FAM20C: variants seen among roughly 807,000 people sequenced by gnomAD.
FAM20C encodes the protein FAM20C golgi associated secretory pathway kinase, also known as extracellular serine/threonine protein kinase FAM20C.
In FAM20C, 40 loss-of-function variants were observed where a neutral mutation model predicts 51.5. The ratio of observed to expected loss-of-function variants is 0.78; its 90% CI spans 0.60 to 1.01. The LOEUF (loss-of-function observed/expected upper bound fraction) is 1.01, where lower values mean the gene tolerates loss of function less well. Among genes scored for constraint, FAM20C ranks in the 50% least tolerant of loss-of-function variants. FAM20C has a pLI of 0.00. For missense variants in FAM20C, 861 were observed against 844.7 expected, an observed-to-expected ratio of 1.02 and a Z score of -0.24; for synonymous variants, 406 against 380.6, an observed-to-expected ratio of 1.07 and a Z score of -0.78.
intron 6 of FAM20C, chr7:256,368 G>C (rs1054043800): frequency 8.8e-6 from 5 of 570,976 alleles, no homozygotes; most frequent in Non-Finnish European, 1.6e-5. Context: ...CGTTGTCCTC[G>C]TGAGTGTGTA....
intron 3 of FAM20C, among the ~76,000 whole-genome samples, chr7:243,432 C>G (rs964850394): frequency 3.5e-5 from 1 of 28,204 alleles, no homozygotes; most frequent in African/African-American, 3.5e-4. Flanking sequence ...CCCAAGAGAC[C>G]TGTGCCACCC....
At chr7:214,965 G>A (rs1053117065) in intron 3 of FAM20C, among the ~76,000 whole-genome samples, 5 of 152,074 alleles carry the variant, frequency 3.3e-5, no homozygotes, top group Admixed American at 1.3e-4. Flanking sequence ...GAACACAGAT[G>A]TGACTCAGAC....
intron 2 of FAM20C, among the ~76,000 whole-genome samples, chr7:202,020 G>A (rs1050115310): frequency 1.3e-5 from 2 of 152,198 alleles, no homozygotes; most frequent in East Asian, 1.9e-4. Context: ...ACGGATATCC[G>A]GGCGATAGGA....
chr7:241,424 C>T (rs895863012), intron 3 of FAM20C, among the ~76,000 whole-genome samples: 1 of 152,176 alleles, frequency 6.6e-6, no homozygotes, highest in Non-Finnish European at 1.5e-5. Flanking sequence ...AATCAGACTC[C>T]GCCTTTTCAG....
At chr7:255,654 G>A (rs769086765) in intron 5 of FAM20C, among the ~76,000 whole-genome samples, 195 bp from the exon 6 acceptor site, 1 of 152,114 alleles carries the variant, frequency 6.6e-6, no homozygotes, top group African/African-American at 2.4e-5. Flanking sequence ...GTGTGGCCTC[G>A]GGACGTCAGC....
At chr7:196,542 A>C (rs1305264054) in intron 2 of FAM20C, among the ~76,000 whole-genome samples, 1 of 152,164 alleles carries the variant, frequency 6.6e-6, no homozygotes, top group Non-Finnish European at 1.5e-5. Context: ...GGGTGCACAC[A>C]GCTGTGGGCA....
chr7:235,510 T>C (rs1033277510), intron 3 of FAM20C, among the ~76,000 whole-genome samples: 1 of 152,202 alleles, frequency 6.6e-6, no homozygotes, highest in African/African-American at 2.4e-5. Flanking sequence ...AGCTTGTTTG[T>C]TTTAATAATT....
Position 193,798 on chromosome 7 carries a change from C to G in FAM20C, c.599C>G (p.Pro200Arg). Residue 200 changes from proline (P) to arginine (R), a missense_variant, in exon 1 of 10, where the codon CCG becomes CGG. This residue lies in a region of FAM20C where 561 missense variants were observed against 499.8 expected (regional missense o/e 1.12). Transcript: ENST00000313766. ...CTCAGCCCCAAAGCGGCGGAGAACC[C>G]GGACTGGTGAGTGGGGGCTGGCAGG... is the stretch of plus-strand genomic sequence containing the variant. ...TRLSPKAAEN[P>R]DWPHAGAEGA... 2 of 1,555,582 alleles carry G rather than the reference C, an allele frequency of 1.3e-6. No homozygotes were observed. Among genetic ancestry groups the G allele is most frequent in the East Asian group, 2.4e-5 (1 of 41,318 alleles).
At chr7:194,002 G>C in intron 1 of FAM20C, 198 bp downstream of exon 1, 1 of 873,358 alleles carries the variant, frequency 1.1e-6, no homozygotes, top group East Asian at 3.1e-5. Context: ...GGGGCTGCCG[G>C]CTGGTCCGGG....
Position 240,965 on chromosome 7 carries a change from A to C in FAM20C, c.864-5450A>C, listed in dbSNP as rs911471105. ...CCTGAGCAGGGGGTGGGGCTGAGGT[A>C]GAGGAGGGGCAGGTGCTGGAGAGCT... On this transcript the variant is annotated intron_variant, in intron 3 of 9. Coordinates refer to ENST00000313766, the MANE Select transcript of FAM20C (RefSeq NM_020223.4). Among the ~76,000 whole-genome samples, 3 of 152,134 alleles carry C rather than the reference A, an allele frequency of 2.0e-5. No homozygotes were observed. In the East Asian group the frequency reaches 5.8e-4, roughly 29 times the overall value.
At chr7:199,381 C>T (rs1786028321) in intron 2 of FAM20C, among the ~76,000 whole-genome samples, 1 of 152,246 alleles carries the variant, frequency 6.6e-6, no homozygotes, top group Non-Finnish European at 1.5e-5. Context: ...CCAACCACCG[C>T]TCCACAGCGA....
intron 2 of FAM20C, among the ~76,000 whole-genome samples, chr7:200,137 G>A (rs1017081843): frequency 2.0e-5 from 3 of 152,186 alleles, no homozygotes; most frequent in Non-Finnish European, 2.9e-5. Flanking sequence ...CAGGTACCTG[G>A]GAGGGCACAG....
At chr7:204,981 G>C (rs1264581355) in intron 2 of FAM20C, among the ~76,000 whole-genome samples, 1 of 152,248 alleles carries the variant, frequency 6.6e-6, no homozygotes, top group Non-Finnish European at 1.5e-5. Flanking sequence ...CTGCTGTCCT[G>C]AGCACTCACA....
Position 226,017 on chromosome 7 carries a change from G to A in FAM20C, c.863+17041G>A, listed in dbSNP as rs118181533. 7.6e-3 allele frequency among the ~76,000 whole-genome samples: 1,146 copies of A among 151,570 alleles called. 71 individuals carry two copies. Among genetic ancestry groups the A allele is most frequent in the Admixed American group, 0.012 (176 of 15,218 alleles). ...TGTCCCCTGAGCCTTCTCTCATTGC[G>A]CAGAACAACCTGGGTTTCACTGAGT... On this transcript the variant is annotated intron_variant, in intron 3 of 9. Transcript: ENST00000313766.
intron 2 of FAM20C, among the ~76,000 whole-genome samples, chr7:198,686 G>A (rs1366758191): frequency 6.6e-6 from 1 of 152,206 alleles, no homozygotes; most frequent in African/African-American, 2.4e-5. Flanking sequence ...AGGGTTGTTG[G>A]GGCTTAAATG....
chr7:219,941 C>A (rs898703475), intron 3 of FAM20C, among the ~76,000 whole-genome samples: 1 of 152,224 alleles, frequency 6.6e-6, no homozygotes, highest in Non-Finnish European at 1.5e-5. Flanking sequence ...GGGTGTGGAC[C>A]CAGCAGAGGC....
intron 3 of FAM20C, chr7:229,025 C>G: frequency 2.9e-6 from 1 of 349,426 alleles, no homozygotes; most frequent in East Asian, 7.6e-5. Context: ...CCCACCCACG[C>G]ACCCCACCCC....
intron 2 of FAM20C, among the ~76,000 whole-genome samples, chr7:199,852 G>A (rs1291597124): frequency 6.6e-6 from 1 of 152,238 alleles, no homozygotes; most frequent in Non-Finnish European, 1.5e-5. Flanking sequence ...TGGATGCAAA[G>A]AATGAATGAC....
intron 3 of FAM20C, among the ~76,000 whole-genome samples, chr7:244,648 A>G (rs960815732): frequency 3.9e-5 from 6 of 152,320 alleles, no homozygotes; most frequent in Admixed American, 6.5e-5. Flanking sequence ...CTGGTTTCAG[A>G]AGTGCACAGA....
Sources: allele counts gnomAD v4.1 joint callset (sites outside exome capture counted in the v4.1 genomes callset), GRCh38; gene constraint gnomAD v4.1.1; regional missense constraint gnomAD v4.1.1; transcripts MANE v1.5; gene names NCBI Gene and HGNC (gene_info 2026-07-23, HGNC 2026-07-21).